DAB1: variants seen among roughly 807,000 people sequenced by gnomAD.
DAB1 encodes the protein disabled homolog 1.
In DAB1, 15 loss-of-function variants were observed where a neutral mutation model predicts 64.6. That is an observed-to-expected ratio of 0.23 (90% CI 0.16 to 0.36). The LOEUF is 0.36. DAB1 is among the 10% of genes least tolerant of loss of function. The probability of loss-of-function intolerance (pLI) is 1.00; values close to 1 mark genes in which losing one functional copy is unlikely to be tolerated. For missense variants in DAB1, 596 were observed against 706.7 expected, an observed-to-expected ratio of 0.84 and a Z score of 1.78; for synonymous variants, 235 against 251.9, an observed-to-expected ratio of 0.93 and a Z score of 0.64.
intron 3 of DAB1, among the ~76,000 whole-genome samples, chr1:58,393,729 A>C (rs1222746886): frequency 6.6e-6 from 1 of 152,206 alleles, no homozygotes; most frequent in African/African-American, 2.4e-5. Context: ...CAGGGGGGTA[A>C]ATGGGGAAAG....
chr1:58,014,775 C>T (rs942962893), intron 5 of DAB1, among the ~76,000 whole-genome samples: 2 of 151,992 alleles, frequency 1.3e-5, no homozygotes, highest in African/African-American at 4.8e-5. Flanking sequence ...GAATAGATGG[C>T]AATGGAGTGA....
intron 2 of DAB1, among the ~76,000 whole-genome samples, chr1:57,288,557 C>T (rs890365610): frequency 6.6e-6 from 1 of 152,078 alleles, no homozygotes; most frequent in Non-Finnish European, 1.5e-5. Flanking sequence ...CATCTATGAG[C>T]CAGGAAGAGA....
intron 5 of DAB1, among the ~76,000 whole-genome samples, chr1:57,970,659 C>A (rs185900999): frequency 6.6e-6 from 1 of 152,244 alleles, no homozygotes; most frequent in Non-Finnish European, 1.5e-5. Context: ...CCCTTTGAAT[C>A]CAAAGCTCAC....
intron 6 of DAB1, among the ~76,000 whole-genome samples, chr1:57,794,984 G>A (rs1472704380): frequency 1.3e-5 from 2 of 152,200 alleles, no homozygotes; most frequent in Non-Finnish European, 2.9e-5. Flanking sequence ...GCTGGAGCAT[G>A]TAGCACCAGG....
chr1:57,415,478 A>T (rs1044731375), intron 1 of DAB1, among the ~76,000 whole-genome samples: 4 of 152,216 alleles, frequency 2.6e-5, no homozygotes, highest in Non-Finnish European at 5.9e-5. Flanking sequence ...AAGAAGTTAG[A>T]TAGCAGAAGG....
Position 58,219,818 on chromosome 1 carries a change from C to G in DAB1, n.310-69230G>C, listed in dbSNP as rs76833622. ...ACACATCACAATTGTAATTGATTAG[C>G]TGTGCAATCAGGTTTTTAATAACTG... On this transcript the variant is annotated intron_variant and non_coding_transcript_variant, in intron 4 of 20. Coordinates refer to the DAB1 transcript ENST00000485760. Among the ~76,000 whole-genome samples the G allele has an allele frequency of 7.2e-4, 110 of 152,358 alleles. 4 individuals carry two copies. In the East Asian group the frequency reaches 0.021, roughly 29 times the overall value.
chr1:57,979,018 A>G (rs1645994924), intron 5 of DAB1, among the ~76,000 whole-genome samples: 1 of 152,194 alleles, frequency 6.6e-6, no homozygotes, highest in African/African-American at 2.4e-5. Flanking sequence ...TGCCTCAAGG[A>G]TCTAGAACTA....
At chr1:58,377,965 A>T (rs1233928095) in intron 3 of DAB1, among the ~76,000 whole-genome samples, 1 of 141,470 alleles carries the variant, frequency 7.1e-6, no homozygotes, top group Non-Finnish European at 1.6e-5. Flanking sequence ...CTTCCAGTTG[A>T]TCGCATCGGC....
At chr1:57,726,781 A>G (rs2101766781) in intron 6 of DAB1, among the ~76,000 whole-genome samples, 1 of 152,342 alleles carries the variant, frequency 6.6e-6, no homozygotes, top group Middle Eastern at 3.4e-3. Context: ...AAGTGACAGC[A>G]TCAGTATTTG....
intron 7 of DAB1, among the ~76,000 whole-genome samples, chr1:57,620,809 G>T (rs1013942228): frequency 1.3e-5 from 2 of 152,178 alleles, no homozygotes; most frequent in Admixed American, 6.5e-5. Context: ...CTGGAAGCAG[G>T]GGGGCAGCGC....
downstream of DAB1, among the ~76,000 whole-genome samples, chr1:57,821,399 A>G (rs545185756): frequency 4.1e-5 from 5 of 121,504 alleles, no homozygotes; most frequent in African/African-American, 1.6e-4. Context: ...AAGCAGAGGC[A>G]ATGAGCAGCT....
At chr1:57,959,659 C>T (rs540555267) in intron 5 of DAB1, among the ~76,000 whole-genome samples, 3 of 152,168 alleles carry the variant, frequency 2.0e-5, no homozygotes, top group Non-Finnish European at 4.4e-5. Context: ...AGCTCACATA[C>T]TGAGCATGCT....
chr1:57,914,599 G>T (rs1380930322), intron 5 of DAB1, among the ~76,000 whole-genome samples: 1 of 152,076 alleles, frequency 6.6e-6, no homozygotes, highest in East Asian at 1.9e-4. Context: ...TCCTATGCCT[G>T]CAAGAGATAG....
Position 57,977,499 on chromosome 1 carries a change from T to G in DAB1, n.388-93337A>C, listed in dbSNP as rs772444837. Among the ~76,000 whole-genome samples, 4 of 152,284 alleles carry G rather than the reference T, an allele frequency of 2.6e-5. No homozygotes were observed. In the East Asian group the frequency reaches 5.8e-4, roughly 22 times the overall value. On this transcript the variant is annotated intron_variant and non_coding_transcript_variant, in intron 5 of 20. Transcript: ENST00000485760. ...CACATTGCAAAGTTGTTAAGAGCTCTGCAACAAGACATCCAGGTTAAAATG... is the reference window on the plus strand; with the variant it reads ...CACATTGCAAAGTTGTTAAGAGCTCGGCAACAAGACATCCAGGTTAAAATG...
chr1:57,372,382 C>A (rs1680569457), intron 1 of DAB1, among the ~76,000 whole-genome samples: 1 of 152,134 alleles, frequency 6.6e-6, no homozygotes, highest in Non-Finnish European at 1.5e-5. Flanking sequence ...ACACATGGGA[C>A]CTGAGGCCTA....
intron 3 of DAB1, among the ~76,000 whole-genome samples, chr1:58,489,468 C>T (rs1424757102): frequency 1.3e-5 from 2 of 152,234 alleles, no homozygotes; most frequent in African/African-American, 4.8e-5. Context: ...GTGGAGCCCA[C>T]TGCAGCTCAA....
chr1:58,373,650 T>C (rs1284665104), intron 3 of DAB1, among the ~76,000 whole-genome samples: 4 of 152,192 alleles, frequency 2.6e-5, no homozygotes, highest in Non-Finnish European at 5.9e-5. Flanking sequence ...TATAGCCACG[T>C]GTCTTTATAG....
intron 5 of DAB1, among the ~76,000 whole-genome samples, chr1:57,922,691 A>C (rs1644824862): frequency 6.6e-6 from 1 of 151,568 alleles, no homozygotes; most frequent in Non-Finnish European, 1.5e-5. Context: ...TAAAAATACA[A>C]AAAAAATAGC....
chr1:57,671,214 G>A (rs755177990), intron 6 of DAB1, among the ~76,000 whole-genome samples: 2 of 152,022 alleles, frequency 1.3e-5, no homozygotes, highest in African/African-American at 2.4e-5. Context: ...TAATCAAAAT[G>A]AGTTTCATAT....
Sources: gnomAD v4.1 joint callset for allele counts (sites outside exome capture counted in the v4.1 genomes callset) on GRCh38, gnomAD v4.1.1 for gene constraint, MANE v1.5 for transcripts, NCBI Gene and HGNC (gene_info 2026-07-23, HGNC 2026-07-21) for gene names.